Variants in ZNF827 observed in about 807,000 individuals in gnomAD.
ZNF827 encodes the protein zinc finger protein 827.
ZNF827 carries 13 observed loss-of-function variants against 102.4 expected under a neutral mutation model. The observed-to-expected ratio is 0.13, with a 90% CI of 0.08 to 0.20. The LOEUF (loss-of-function observed/expected upper bound fraction) is 0.20, where lower values mean the gene tolerates loss of function less well. Ranked by LOEUF, ZNF827 falls within the 10% of genes least tolerant of loss-of-function variation. The pLI is 1.00. For missense variants in ZNF827, 1,103 were observed against 1,344.4 expected, an observed-to-expected ratio of 0.82 and a Z score of 2.81; for synonymous variants, 523 against 536.2, an observed-to-expected ratio of 0.98 and a Z score of 0.34.
chr4:145,764,101 T>C (rs1056536718), intron 13 of ZNF827, among the ~76,000 whole-genome samples: 1 of 152,212 alleles, frequency 6.6e-6, no homozygotes, highest in African/African-American at 2.4e-5. Flanking sequence ...CAAAAGGTTT[T>C]TTCCCCCTTG....
chr4:145,854,048 G>A (rs1434309795), intron 5 of ZNF827, among the ~76,000 whole-genome samples: 3 of 152,022 alleles, frequency 2.0e-5, no homozygotes, highest in Non-Finnish European at 4.4e-5. Context: ...AGAGGCAGGT[G>A]AGATGAAAAT....
chr4:145,853,748 T>C (rs1283896991), intron 5 of ZNF827, among the ~76,000 whole-genome samples: 1 of 152,156 alleles, frequency 6.6e-6, no homozygotes, highest in African/African-American at 2.4e-5. Context: ...ATGGATTGCA[T>C]GAACCCAGCA....
At chr4:145,889,897 G>T (rs1262598069) in intron 3 of ZNF827, among the ~76,000 whole-genome samples, 1 of 151,500 alleles carries the variant, frequency 6.6e-6, no homozygotes, top group Non-Finnish European at 1.5e-5. Flanking sequence ...GAATCGCTTA[G>T]AGCCCGGAGG....
At chr4:145,862,222 T>G (rs1396555556) in intron 5 of ZNF827, among the ~76,000 whole-genome samples, 1 of 152,102 alleles carries the variant, frequency 6.6e-6, no homozygotes, top group Non-Finnish European at 1.5e-5. Flanking sequence ...TTCCTCTTTG[T>G]AGCTGAGAAA....
chr4:145,793,966 C>T (rs527384862), intron 8 of ZNF827, among the ~76,000 whole-genome samples: 1 of 152,256 alleles, frequency 6.6e-6, no homozygotes, highest in South Asian at 2.1e-4. Context: ...AGTCTCAGCT[C>T]AGCTCCCTCT....
chr4:145,860,375 T>C (rs1234674790), intron 5 of ZNF827, among the ~76,000 whole-genome samples: 1 of 152,154 alleles, frequency 6.6e-6, no homozygotes, highest in East Asian at 1.9e-4. Flanking sequence ...GCAGGAAGAA[T>C]TTCTGGTAGC....
At chr4:145,827,773 A>G (rs888044640) in intron 7 of ZNF827, among the ~76,000 whole-genome samples, 2 of 152,256 alleles carry the variant, frequency 1.3e-5, no homozygotes, top group African/African-American at 4.8e-5. Flanking sequence ...TAGATCTCCA[A>G]TAACACTGGT....
At chr4:145,811,554 T>C (rs1463587435) in intron 8 of ZNF827, among the ~76,000 whole-genome samples, 1 of 152,236 alleles carries the variant, frequency 6.6e-6, no homozygotes. Context: ...TAGAATGTTG[T>C]TTCTCTCTTC....
At chr4:145,929,734 C>T (rs946328350) in intron 1 of ZNF827, among the ~76,000 whole-genome samples, 8 of 152,138 alleles carry the variant, frequency 5.3e-5, no homozygotes, top group African/African-American at 1.9e-4. Context: ...AACTGAAACA[C>T]CTTTCACATA....
At chr4:145,885,652 G>C in intron 4 of ZNF827, 26 bp downstream of exon 4, 2 of 1,161,086 alleles carry the variant, frequency 1.7e-6, no homozygotes, top group Non-Finnish European at 2.4e-6. Context: ...GAGAGAGAGA[G>C]AGAGAATACA....
rs181161502 is a variant in ZNF827, at chr4:145,785,779, T to A, written c.2384-6268A>T. ...TCAAGCTCTTCCAAGCCACATGAAA[T>A]CAATGCCAAAGTCTACAAACAAACA... On this transcript the variant is annotated intron_variant, in intron 8 of 14. Transcript: ENST00000508784. Among the ~76,000 whole-genome samples the A allele has an allele frequency of 2.3e-4, 35 of 152,304 alleles. No homozygotes were observed. In the East Asian group the frequency reaches 6.4e-3, roughly 28 times the overall value.
chr4:145,820,254 A>G (rs1259310515), intron 8 of ZNF827, among the ~76,000 whole-genome samples: 1 of 152,194 alleles, frequency 6.6e-6, no homozygotes, highest in Admixed American at 6.5e-5. Context: ...GTACATAACT[A>G]TATACCAATG....
intron 7 of ZNF827, among the ~76,000 whole-genome samples, chr4:145,838,108 A>G (rs957583520): frequency 4.3e-4 from 66 of 152,218 alleles, no homozygotes; most frequent in South Asian, 1.7e-3. Flanking sequence ...ACTTGCACGT[A>G]TATGCCCAGA....
chr4:145,775,726 G>A, intron 10 of ZNF827, 63 bp downstream of exon 10: 2 of 1,592,970 alleles, frequency 1.3e-6, no homozygotes. Context: ...CAGCAGACAG[G>A]TAGGAAGTGT....
chr4:145,765,661 T>C lies in ZNF827; in HGVS notation c.2938A>G (p.Ser980Gly). The C allele has an allele frequency of 6.2e-7, 1 of 1,614,182 alleles. No homozygotes were observed. The highest frequency in any genetic ancestry group is 1.1e-5 in the South Asian group (1 of 91,080). Reference protein sequence around the residue: ...SLSALSDSANSKDDSDGSQKN... With the variant: ...SLSALSDSANGKDDSDGSQKN... ...TGGGAGCCATCTGAATCATCTTTGCTGTTGGCTGAATCACTCAGAGCTGAG... is the reference window on the plus strand; with the variant it reads ...TGGGAGCCATCTGAATCATCTTTGCCGTTGGCTGAATCACTCAGAGCTGAG... The change falls in exon 12 of 15, where the codon AGC (serine) becomes GGC (glycine). Residue 980 changes from serine to glycine, a missense_variant. Physicochemically the swap from Ser to Gly is moderately conservative, Grantham distance 56. Around this residue, in one of 5 missense-constraint regions of ZNF827, gnomAD observed 242 missense variants for 361.9 expected, o/e 0.67. Transcript: ENST00000508784. This position sits in a 1 kb window ranked among gnomAD's most constrained non-coding sequence, Gnocchi z 4.7.
At chr4:145,816,831 A>T (rs878451) in intron 8 of ZNF827, among the ~76,000 whole-genome samples, 44,714 of 152,126 alleles carry the variant, frequency 0.29, 6,914 homozygotes, top group Middle Eastern at 0.34. Flanking sequence ...GCAACAGGAG[A>T]AGATATATCA....
chr4:145,906,704 C>T (rs896459490), intron 1 of ZNF827, among the ~76,000 whole-genome samples: 1 of 152,210 alleles, frequency 6.6e-6, no homozygotes, highest in Non-Finnish European at 1.5e-5. Flanking sequence ...TTTAAAGCAA[C>T]TTTCCTAACT....
chr4:145,937,834 C>CCGGCGGCTGCT (rs1238727162), intron 1 of ZNF827, among the ~76,000 whole-genome samples: 1 of 151,112 alleles, frequency 6.6e-6, no homozygotes, highest in African/African-American at 2.4e-5. Flanking sequence ...GATCCTGTAC[C>CCGGCGGCTGCT]CGGCGGCTGC....
intron 7 of ZNF827, among the ~76,000 whole-genome samples, chr4:145,834,493 T>C (rs1744605848): frequency 6.6e-6 from 1 of 152,150 alleles, no homozygotes; most frequent in Non-Finnish European, 1.5e-5. Flanking sequence ...AATCTTTTTA[T>C]CACCTCCCCT....
Sources: gnomAD v4.1 joint callset for allele counts (sites outside exome capture counted in the v4.1 genomes callset) on GRCh38, gnomAD v4.1.1 for gene constraint, gnomAD v4.1.1 regional missense constraint, Gnocchi (gnomAD v3.1) non-coding constraint, MANE v1.5 for transcripts, NCBI Gene and HGNC (gene_info 2026-07-23, HGNC 2026-07-21) for gene names.